The following LEMD3 variants were observed in gnomAD, a reference collection of about 807,000 sequenced individuals.
LEMD3 encodes the protein inner nuclear membrane protein Man1.
In LEMD3, 33 loss-of-function variants were observed where a neutral mutation model predicts 95.2. The ratio of observed to expected loss-of-function variants is 0.35; its 90% CI spans 0.26 to 0.46. LEMD3 has a LOEUF of 0.46. Among genes scored for constraint, LEMD3 ranks in the 20% least tolerant of loss-of-function variants. The pLI, the probability that LEMD3 is intolerant of heterozygous loss-of-function variation, is 1.00. For missense variants in LEMD3, 1,210 were observed against 1,192.8 expected (o/e 1.01, Z -0.21); for synonymous variants, 525 against 474.6 (o/e 1.11, Z -1.38).
At position 65,218,570 on chromosome 12, in the gene LEMD3, G is replaced by C; in HGVS notation, c.1646G>C (p.Ser549Thr). The C allele has an allele frequency of 6.2e-7, 1 of 1,606,090 alleles. No individual in the cohort carries two copies. Among genetic ancestry groups the C allele is most frequent in the Non-Finnish European group, 8.5e-7 (1 of 1,174,940 alleles). ...AQLAGDHECG[S>T]SSQRTLSVQE... is the part of the protein sequence containing the mutation. ...TTTCCAGGAGATCATGAATGTGGCA[G>C]TTCTAGTCAAAGAACGCTTTCTGTT... Residue 549 changes from serine to threonine, a missense_variant, in exon 4 of 13, where the codon AGT becomes ACT. This residue lies in a region of LEMD3 where 461 missense variants were observed against 569.8 expected (regional missense o/e 0.81). Transcript: ENST00000308330.
chr12:65,203,092 T>C (rs1431021922), intron 1 of LEMD3, among the ~76,000 whole-genome samples: 5 of 152,194 alleles, frequency 3.3e-5, no homozygotes, highest in Non-Finnish European at 7.4e-5. Context: ...TTGGATTTAA[T>C]TTATTCTCTT....
Position 65,201,769 on chromosome 12 carries a change from T to G in LEMD3, c.1523-9157T>G, listed in dbSNP as rs532703938. ...TTCTTTCAACCTCTGTACTTTTTCT[T>G]TCTCTTCTTATTGCATTAGCTAGGA... On this transcript the variant is annotated intron_variant, in intron 1 of 12. Coordinates refer to ENST00000308330, the MANE Select transcript of LEMD3 (RefSeq NM_014319.5). Among the ~76,000 whole-genome samples, 14 of 152,250 alleles carry G rather than the reference T, an allele frequency of 9.2e-5. No homozygotes were observed. In the South Asian group the frequency reaches 2.9e-3, roughly 32 times the overall value.
At chr12:65,239,127 T>TAA (rs572529772) in intron 6 of LEMD3, among the ~76,000 whole-genome samples, 1 of 152,200 alleles carries the variant, frequency 6.6e-6, no homozygotes, top group East Asian at 1.9e-4. Flanking sequence ...TTTTAAATAA[T>TAA]AAAGTGTTAT....
At chr12:65,238,438 G>A (rs1870835209) in intron 4 of LEMD3, 64 bp from the exon 5 acceptor site, 6 of 978,800 alleles carry the variant, frequency 6.1e-6, no homozygotes, top group Non-Finnish European at 9.8e-6. Flanking sequence ...GTGTTATAAA[G>A]GATACTTTAC....
At chr12:65,211,031 T>A in intron 2 of LEMD3, 68 bp downstream of exon 2, 2 of 1,148,250 alleles carry the variant, frequency 1.7e-6, no homozygotes, top group Non-Finnish European at 1.3e-6. Context: ...TGAGAATGAC[T>A]ATCAACTAAA....
intron 1 of LEMD3, among the ~76,000 whole-genome samples, chr12:65,203,661 T>C (rs1210005493): frequency 6.6e-6 from 1 of 152,204 alleles, no homozygotes; most frequent in African/African-American, 2.4e-5. Context: ...AGTTAATTAA[T>C]GATTTGTTGA....
At chr12:65,244,285 A>C (rs11175696) in intron 10 of LEMD3, among the ~76,000 whole-genome samples, 134,686 of 144,816 alleles carry the variant, frequency 0.93, 62,728 homozygotes, top group Middle Eastern at 0.98. Flanking sequence ...ACACACACAC[A>C]CCCCCCCCAC....
intron 2 of LEMD3, among the ~76,000 whole-genome samples, chr12:65,213,013 G>A (rs921692057): frequency 6.6e-6 from 1 of 152,076 alleles, no homozygotes; most frequent in Non-Finnish European, 1.5e-5. Flanking sequence ...CTCAAAATGT[G>A]TTCATTCACT....
At chr12:65,246,094 C>T (rs777941692) in intron 12 of LEMD3, 68 bp from the exon 13 acceptor site, 191 of 1,348,454 alleles carry the variant, frequency 1.4e-4, no homozygotes, top group Non-Finnish European at 1.9e-4. Context: ...TGTCTTTTAC[C>T]ACAGTTAATT....
chr12:65,193,077 CAG>C (rs979979749), intron 1 of LEMD3, among the ~76,000 whole-genome samples: 1 of 152,126 alleles, frequency 6.6e-6, no homozygotes, highest in Non-Finnish European at 1.5e-5. Context: ...CGGAACGTAT[CAG>C]AGACACGGCA....
rs118110234 is a variant in LEMD3 at position 65,244,257 on chromosome 12, G to A, written c.2387+788G>A. ...AAGCAGTATGCACACGTGTTTGCAC[G>A]TGGGCACGCGCACACACACACACAC... On this transcript the variant is annotated intron_variant, in intron 10 of 12. Transcript: ENST00000308330. Among the ~76,000 whole-genome samples the A allele has an allele frequency of 2.5e-3, 382 of 151,166 alleles. 2 individuals carry two copies. Among genetic ancestry groups the A allele is most frequent in the Non-Finnish European group, 3.9e-3 (262 of 67,918 alleles).
At chr12:65,190,921 G>T (rs1003464389) in intron 1 of LEMD3, among the ~76,000 whole-genome samples, 2 of 152,112 alleles carry the variant, frequency 1.3e-5, no homozygotes, top group African/African-American at 4.8e-5. Flanking sequence ...GTTGAAAGTT[G>T]TAGAGATAGC....
intron 4 of LEMD3, among the ~76,000 whole-genome samples, chr12:65,230,435 A>G (rs1016415987): frequency 2.0e-5 from 3 of 151,744 alleles, no homozygotes; most frequent in Non-Finnish European, 4.4e-5. Flanking sequence ...ATGTCTTTTT[A>G]TGGTGTTTTA....
At chr12:65,210,746 GATAAGT>G (rs756621820) in intron 1 of LEMD3, among the ~76,000 whole-genome samples, 174 bp from the exon 2 acceptor site, 21 of 152,286 alleles carry the variant, frequency 1.4e-4, no homozygotes, top group Non-Finnish European at 2.1e-4. Flanking sequence ...AAGTGAGAAT[GATAAGT>G]ATAAGTCTGA....
chr12:65,173,567 C>T (rs1031107212), intron 1 of LEMD3, among the ~76,000 whole-genome samples: 2 of 152,110 alleles, frequency 1.3e-5, no homozygotes, highest in Non-Finnish European at 2.9e-5. Flanking sequence ...GTAATAATAT[C>T]TGCTGTCTCT....
At chr12:65,238,875 T>A in intron 6 of LEMD3, 61 bp downstream of exon 6, 1 of 1,529,906 alleles carries the variant, frequency 6.5e-7, no homozygotes, top group Non-Finnish European at 9.1e-7. Context: ...TGTATTTCAC[T>A]AAATGCCAGA....
chr12:65,216,802 T>TA (rs1173849378), intron 3 of LEMD3, among the ~76,000 whole-genome samples: 1 of 152,126 alleles, frequency 6.6e-6, no homozygotes, highest in Non-Finnish European at 1.5e-5. Context: ...TGAATGGAGG[T>TA]ATTTAGGATC....
At chr12:65,229,652 A>G (rs1460488041) in intron 4 of LEMD3, among the ~76,000 whole-genome samples, 3 of 152,058 alleles carry the variant, frequency 2.0e-5, no homozygotes, top group Admixed American at 1.3e-4. Context: ...GCATTTTTCC[A>G]TATGCCTGTT....
At chr12:65,194,563 G>C (rs1342694035) in intron 1 of LEMD3, among the ~76,000 whole-genome samples, 1 of 152,028 alleles carries the variant, frequency 6.6e-6, no homozygotes, top group African/African-American at 2.4e-5. Context: ...GGATGGGGCT[G>C]TTGGTGGTCC....
Sources: gnomAD v4.1 joint callset for allele counts (sites outside exome capture counted in the v4.1 genomes callset) on GRCh38, gnomAD v4.1.1 for gene constraint, gnomAD v4.1.1 regional missense constraint, MANE v1.5 for transcripts, NCBI Gene and HGNC (gene_info 2026-07-23, HGNC 2026-07-21) for gene names.